Variants in ARFGEF3 observed in about 807,000 individuals in gnomAD.
ARFGEF3 encodes the protein ARFGEF family member 3, also known as brefeldin A-inhibited guanine nucleotide-exchange protein 3.
In ARFGEF3, 96 loss-of-function variants were observed where a neutral mutation model predicts 221.7. That is an observed-to-expected ratio of 0.43 (90% confidence interval 0.37 to 0.51). The LOEUF (loss-of-function observed/expected upper bound fraction) is 0.51, where lower values mean the gene tolerates loss of function less well. Ranked by LOEUF, ARFGEF3 falls within the 20% of genes least tolerant of loss-of-function variation. ARFGEF3 has a pLI of 0.00. For synonymous variants in ARFGEF3, 1,145 were observed against 1,126.8 expected, an observed-to-expected ratio of 1.02 and a Z score of -0.32; for missense variants, 2,410 against 2,789.9, an observed-to-expected ratio of 0.86 and a Z score of 3.07.
intron 1 of ARFGEF3, among the ~76,000 whole-genome samples, chr6:138,163,537 C>T (rs2114414792): frequency 1.3e-5 from 2 of 152,290 alleles, no homozygotes; most frequent in South Asian, 4.1e-4. Flanking sequence ...TTAAACATGC[C>T]ATTCCTAGTA....
chr6:138,257,446 G>A (rs1487935231), intron 10 of ARFGEF3, among the ~76,000 whole-genome samples: 1 of 152,216 alleles, frequency 6.6e-6, no homozygotes, highest in African/African-American at 2.4e-5. Flanking sequence ...GAGAAGAGAG[G>A]CCTAGAATTT....
At chr6:138,229,936 AGCACTG>A (rs1778159307) in intron 5 of ARFGEF3, 84 bp downstream of exon 5, 2 of 1,108,332 alleles carry the variant, frequency 1.8e-6, no homozygotes, top group Middle Eastern at 2.0e-4. Flanking sequence ...ACTAAGCCCC[AGCACTG>A]GAGTGAATCC....
intron 2 of ARFGEF3, among the ~76,000 whole-genome samples, chr6:138,182,119 C>G (rs1777088871): frequency 6.6e-6 from 1 of 152,166 alleles, no homozygotes; most frequent in African/African-American, 2.4e-5. Context: ...CTGTGTGAGA[C>G]AGTGGACACA....
intron 4 of ARFGEF3, chr6:138,217,385 G>C (rs1436504435): frequency 2.0e-5 from 3 of 152,194 alleles, no homozygotes; most frequent in Non-Finnish European, 4.4e-5. Flanking sequence ...CACTGTGCTG[G>C]GCACAGAAGA....
chr6:138,229,953 T>A, intron 5 of ARFGEF3, 101 bp downstream of exon 5: 2 of 944,452 alleles, frequency 2.1e-6, no homozygotes, highest in Non-Finnish European at 3.4e-6. Context: ...GAGTGAATCC[T>A]TCTCTGATTA....
chr6:138,324,666 G>A (rs867977341), intron 31 of ARFGEF3, among the ~76,000 whole-genome samples: 5 of 152,226 alleles, frequency 3.3e-5, no homozygotes, highest in East Asian at 1.9e-4. Flanking sequence ...TGAGACACGT[G>A]TAAGAAGTCA....
At chr6:138,335,304 A>G in intron 33 of ARFGEF3, 116 bp downstream of exon 33, 1 of 1,062,620 alleles carries the variant, frequency 9.4e-7, no homozygotes, top group Non-Finnish European at 1.3e-6. Context: ...GGTAGGGGGT[A>G]TGAACCGATT....
At chr6:138,170,072 G>A (rs1776797334) in intron 1 of ARFGEF3, among the ~76,000 whole-genome samples, 1 of 152,284 alleles carries the variant, frequency 6.6e-6, no homozygotes, top group African/African-American at 2.4e-5. Flanking sequence ...AAAATTGGAG[G>A]CAGCAATAGT....
At chr6:138,259,391 C>G (rs180989142) in intron 10 of ARFGEF3, among the ~76,000 whole-genome samples, 1 of 152,168 alleles carries the variant, frequency 6.6e-6, no homozygotes, top group South Asian at 2.1e-4. Flanking sequence ...TCTGATTTCC[C>G]CTTAAAATGA....
intron 4 of ARFGEF3, among the ~76,000 whole-genome samples, chr6:138,221,209 G>A (rs1223659805): frequency 6.6e-6 from 1 of 152,166 alleles, no homozygotes; most frequent in Non-Finnish European, 1.5e-5. Flanking sequence ...GAACTCAGAG[G>A]CCCCAAGTGT....
intron 16 of ARFGEF3, 46 bp downstream of exon 16, chr6:138,286,962 A>G: frequency 6.2e-7 from 1 of 1,601,158 alleles, no homozygotes; most frequent in Non-Finnish European, 8.5e-7. Flanking sequence ...TGCAGAACTC[A>G]CTGGGAATGA....
intron 2 of ARFGEF3, among the ~76,000 whole-genome samples, chr6:138,174,469 T>TAAAAAAAAAAAAAAAAAAAAAA (rs35236693): frequency 4.0e-5 from 1 of 25,302 alleles, no homozygotes; most frequent in African/African-American, 1.4e-4. Context: ...GAGCATCTGC[T>TAAAAAAAAAAAAAAAAAAAAAA]AAAAAAAAAA....
intron 32 of ARFGEF3, among the ~76,000 whole-genome samples, chr6:138,333,211 C>T (rs1780257900): frequency 1.3e-5 from 2 of 152,156 alleles, no homozygotes; most frequent in Non-Finnish European, 2.9e-5. Context: ...GCATCCCTAA[C>T]CCCAACTTTT....
chr6:138,265,180 G>C (rs954128788), intron 12 of ARFGEF3, among the ~76,000 whole-genome samples: 60 of 152,288 alleles, frequency 3.9e-4, no homozygotes, highest in Admixed American at 3.9e-4. Flanking sequence ...TGGGATTACA[G>C]GCATGAGCCA....
intron 4 of ARFGEF3, among the ~76,000 whole-genome samples, chr6:138,228,409 A>G (rs1052771872): frequency 1.3e-5 from 2 of 150,278 alleles, no homozygotes; most frequent in African/African-American, 4.9e-5. Flanking sequence ...CTGGTCTCGA[A>G]CTCCTAATCT....
chr6:138,311,748 A>T (rs1184446684), intron 25 of ARFGEF3, among the ~76,000 whole-genome samples: 1 of 152,170 alleles, frequency 6.6e-6, no homozygotes, highest in Non-Finnish European at 1.5e-5. Flanking sequence ...CTTTTCCCTC[A>T]CGCTCAGATG....
intron 2 of ARFGEF3, among the ~76,000 whole-genome samples, chr6:138,185,943 G>T (rs74578599): frequency 0.016 from 2,402 of 152,268 alleles, 33 homozygotes; most frequent in Middle Eastern, 0.058. Context: ...CAATAGGTAC[G>T]AACATAATCT....
chr6:138,324,272 T>C (rs1314498131), intron 31 of ARFGEF3, 118 bp downstream of exon 31: 18 of 1,196,848 alleles, frequency 1.5e-5, no homozygotes, highest in Non-Finnish European at 2.0e-5. Flanking sequence ...GACATACACC[T>C]TGTAGCTCCC....
chr6:138,229,438 G>A (rs1335346743), intron 4 of ARFGEF3, among the ~76,000 whole-genome samples: 2 of 152,222 alleles, frequency 1.3e-5, no homozygotes, highest in Non-Finnish European at 2.9e-5. Flanking sequence ...CTAGCATTAA[G>A]CCTGGCATTT....
Sources: gnomAD v4.1 joint callset for allele counts (sites outside exome capture counted in the v4.1 genomes callset) on GRCh38, gnomAD v4.1.1 for gene constraint, MANE v1.5 for transcripts, NCBI Gene and HGNC (gene_info 2026-07-23, HGNC 2026-07-21) for gene names.